The following PTPRD variants were observed in gnomAD, a reference collection of about 807,000 sequenced individuals.
PTPRD encodes receptor-type tyrosine-protein phosphatase delta.
PTPRD carries 34 observed loss-of-function variants against 214.5 expected under a neutral mutation model. The observed-to-expected ratio is 0.16, with a 90% CI of 0.12 to 0.21. The LOEUF is 0.21. PTPRD is among the 10% of genes least tolerant of loss of function. The pLI, the probability that PTPRD is intolerant of heterozygous loss-of-function variation, is 1.00. For missense variants in PTPRD, 2,545 were observed against 2,398.7 expected (o/e 1.06, Z -1.27); for synonymous variants, 1,128 against 845.7 (o/e 1.33, Z -5.79).
chr9:8,741,735 C>T (rs1262471669), intron 11 of PTPRD, among the ~76,000 whole-genome samples: 3 of 151,644 alleles, frequency 2.0e-5, no homozygotes, highest in Non-Finnish European at 4.4e-5. Context: ...GGACTACAGG[C>T]ACACATCACC....
intron 3 of PTPRD, among the ~76,000 whole-genome samples, chr9:10,191,978 G>T (rs2099365567): frequency 6.6e-6 from 1 of 152,120 alleles, no homozygotes; most frequent in African/African-American, 2.4e-5. Context: ...GCAAATCACA[G>T]GTACTGGTTG....
At chr9:8,633,546 T>C (rs2096324103) in intron 13 of PTPRD, 88 bp from the exon 14 acceptor site, 1 of 1,440,942 alleles carries the variant, frequency 6.9e-7, no homozygotes, top group African/African-American at 1.5e-5. Context: ...GGATCCGCCA[T>C]TAGGCTCATA....
chr9:9,984,510 C>T (rs568496487), intron 4 of PTPRD, among the ~76,000 whole-genome samples: 5 of 152,182 alleles, frequency 3.3e-5, no homozygotes, highest in African/African-American at 1.2e-4. Context: ...ATTCAGAGTG[C>T]AGATTGGACG....
At chr9:10,184,544 G>A (rs912172912) in intron 3 of PTPRD, among the ~76,000 whole-genome samples, 1 of 152,304 alleles carries the variant, frequency 6.6e-6, no homozygotes, top group East Asian at 1.9e-4. Context: ...ACAATGCATA[G>A]AATATAGTAT....
rs1039561210 is a variant in PTPRD at position 9,006,464 on chromosome 9, C to T, written c.-104+12233G>A. Among the ~76,000 whole-genome samples, 15 of 151,978 alleles carry T rather than the reference C, an allele frequency of 9.9e-5. No homozygotes were observed. In the South Asian group the frequency reaches 1.4e-3, roughly 15 times the overall value. On this transcript the variant is annotated intron_variant, in intron 11 of 45. Transcript: ENST00000381196. Reference sequence around the variant, plus strand: ...TTACAAATTTAATTTTAAAGACTAACGTTATTCTGAATAGTCACTGATCCC... The same window carrying T: ...TTACAAATTTAATTTTAAAGACTAATGTTATTCTGAATAGTCACTGATCCC...
intron 2 of PTPRD, among the ~76,000 whole-genome samples, chr9:10,388,521 C>T (rs1484360110): frequency 1.3e-5 from 2 of 148,514 alleles, no homozygotes; most frequent in African/African-American, 4.9e-5. Context: ...AATGATCTTA[C>T]TAATCAGTAC....
intron 4 of PTPRD, among the ~76,000 whole-genome samples, chr9:10,026,385 C>A (rs1184246607): frequency 6.6e-6 from 1 of 152,154 alleles, no homozygotes; most frequent in Non-Finnish European, 1.5e-5. Context: ...TGGAAATAAA[C>A]TGACATTGTT....
intron 14 of PTPRD, among the ~76,000 whole-genome samples, chr9:8,535,215 T>C (rs1156345745): frequency 6.6e-6 from 1 of 151,904 alleles, no homozygotes; most frequent in Non-Finnish European, 1.5e-5. Context: ...GCTCCATCAA[T>C]AGATCTAAAG....
Position 10,126,424 on chromosome 9 carries a change from T to TAC in PTPRD, c.-544-92635_-544-92634insGT, listed in dbSNP as rs1554689097. Among the ~76,000 whole-genome samples, 133 of 130,992 alleles carry TAC rather than the reference T, an allele frequency of 1.0e-3. 1 individual carries two copies. The highest frequency in any genetic ancestry group is 8.4e-3 in the East Asian group (39 of 4,660). The allele number at this position is 130,992 out of a possible 152,430, so 85.9% of individuals were successfully genotyped here. On this transcript the variant is annotated intron_variant, in intron 3 of 45. Coordinates refer to ENST00000381196, the MANE Select transcript of PTPRD (RefSeq NM_002839.4). ...ATTCCTTAAATAATACTGTTTTATA[T>TAC]ATACACACACACACACACACACACA...
rs567549189 is a variant in PTPRD, at chr9:8,704,744, C to G, written c.64+29036G>C. 9.7e-4 allele frequency among the ~76,000 whole-genome samples: 131 copies of G among 135,650 alleles called. 1 individual carries two copies. The highest frequency in any genetic ancestry group is 1.4e-3 in the Non-Finnish European group (88 of 62,032). The allele number at this position is 135,650 out of a possible 152,430, so 89.0% of individuals were successfully genotyped here. A position where few individuals can be genotyped will look rare whatever the true frequency, so the allele number is the denominator to read the frequency against. On this transcript the variant is annotated intron_variant, in intron 12 of 45. Coordinates refer to ENST00000381196, the MANE Select transcript of PTPRD (RefSeq NM_002839.4). Reference sequence around the variant, plus strand: ...GAGTCGAAGACCAGTCTGGCCAAATCTCTACTAAAAATACAAAAAAAAAAA... The same window carrying G: ...GAGTCGAAGACCAGTCTGGCCAAATGTCTACTAAAAATACAAAAAAAAAAA...
rs139023711 is a variant in PTPRD, at chr9:8,348,205, C to T, written c.4662-6227G>A. The stretch of plus-strand genomic sequence containing the variant: ...TTTATTAAACTTATAACCACATCAG[C>T]AGCATTTATTTAGAATAATTCTGCC... On this transcript the variant is annotated intron_variant, in intron 39 of 45. Transcript: ENST00000381196. Among the ~76,000 whole-genome samples, 535 of 152,260 alleles carry T rather than the reference C, an allele frequency of 3.5e-3. 5 individuals are homozygous for T. Among genetic ancestry groups the T allele is most frequent in the African/African-American group, 0.012 (500 of 41,562 alleles).
At position 8,486,867 on chromosome 9, in the gene PTPRD, G is replaced by T. The variant is rs529770804; in HGVS notation, c.2468-518C>A. Among the ~76,000 whole-genome samples the T allele has an allele frequency of 2.4e-4, 37 of 152,146 alleles. No individual in the cohort carries two copies. The South Asian group carries it at 2.9e-3, about 12-fold the overall frequency. On this transcript the variant is annotated intron_variant, in intron 27 of 45. Coordinates refer to ENST00000381196, the MANE Select transcript of PTPRD (RefSeq NM_002839.4). ...TCTATCTTCTATAATGAGAAAATGA[G>T]GCCCAGAGAGGTAGAAAACTTTCCA...
intron 4 of PTPRD, among the ~76,000 whole-genome samples, chr9:10,029,323 CTG>C (rs2097002120): frequency 6.6e-6 from 1 of 152,144 alleles, no homozygotes; most frequent in African/African-American, 2.4e-5. Flanking sequence ...TCTAGTGGAG[CTG>C]TGAGAAGAGA....
At chr9:8,937,903 G>A (rs865780677) in intron 11 of PTPRD, among the ~76,000 whole-genome samples, 7 of 152,064 alleles carry the variant, frequency 4.6e-5, no homozygotes, top group Non-Finnish European at 7.4e-5. Flanking sequence ...TGAAAATTAG[G>A]TCAATATGCA....
At chr9:10,580,272 T>A (rs1165120387) in intron 2 of PTPRD, among the ~76,000 whole-genome samples, 1 of 152,146 alleles carries the variant, frequency 6.6e-6, no homozygotes, top group African/African-American at 2.4e-5. Flanking sequence ...TTAGCTAGAG[T>A]GTGAAATAAT....
At chr9:9,094,557 A>C (rs118124811) in intron 10 of PTPRD, among the ~76,000 whole-genome samples, 3,706 of 152,228 alleles carry the variant, frequency 0.024, 71 homozygotes, top group South Asian at 0.042. Context: ...ATCAAACACT[A>C]CATAGTGGGT....
intron 8 of PTPRD, among the ~76,000 whole-genome samples, chr9:9,446,482 A>T (rs1431009369): frequency 6.6e-6 from 1 of 152,164 alleles, no homozygotes; most frequent in African/African-American, 2.4e-5. Context: ...AGGTTTTAAC[A>T]TTAGGAATCA....
chr9:8,460,645 G>A (rs2134169999), intron 32 of PTPRD, 74 bp from the exon 33 acceptor site: 5 of 1,450,210 alleles, frequency 3.4e-6, no homozygotes, highest in South Asian at 2.7e-5. Flanking sequence ...ATTAGAAGAA[G>A]CAAAAAATCC....
chr9:9,926,998 G>T (rs990746630), intron 5 of PTPRD, among the ~76,000 whole-genome samples: 2 of 152,112 alleles, frequency 1.3e-5, no homozygotes, highest in Non-Finnish European at 2.9e-5. Context: ...ATATAATTAG[G>T]TATTGCAGGA....
Sources: allele counts gnomAD v4.1 joint callset (sites outside exome capture counted in the v4.1 genomes callset), GRCh38; gene constraint gnomAD v4.1.1; transcripts MANE v1.5; gene names NCBI Gene and HGNC (gene_info 2026-07-23, HGNC 2026-07-21).